The following GABRG3 variants were observed in gnomAD, a reference collection of about 807,000 sequenced individuals.
GABRG3 encodes the protein gamma-aminobutyric acid type A receptor subunit gamma3, also known as gamma-aminobutyric acid receptor subunit gamma-3.
Under a neutral mutation model 48.8 loss-of-function variants are expected in GABRG3, and 25 were observed. That is an observed-to-expected ratio of 0.51 (90% CI 0.37 to 0.72). The LOEUF (loss-of-function observed/expected upper bound fraction) is 0.72. Ranked by LOEUF, GABRG3 falls within the 30% of genes least tolerant of loss-of-function variation. The pLI is 0.00. For missense variants in GABRG3, 394 were observed against 577.9 expected (o/e 0.68, Z 3.26); for synonymous variants, 227 against 217.6 (o/e 1.04, Z -0.38).
At chr15:27,074,330 G>A (rs541289578) in intron 3 of GABRG3, among the ~76,000 whole-genome samples, 8 of 143,958 alleles carry the variant, frequency 5.6e-5, no homozygotes, top group South Asian at 2.1e-4. Context: ...GCTGTGTTTC[G>A]TCAGAGCCCC....
At chr15:27,036,314 C>T (rs1215227308) in intron 3 of GABRG3, among the ~76,000 whole-genome samples, 2 of 152,152 alleles carry the variant, frequency 1.3e-5, no homozygotes, top group African/African-American at 2.4e-5. Context: ...CCCTGCAGAC[C>T]AGTGTGAGGG....
chr15:27,521,034 A>G (rs939024613), intron 7 of GABRG3, among the ~76,000 whole-genome samples: 1 of 152,094 alleles, frequency 6.6e-6, no homozygotes, highest in Non-Finnish European at 1.5e-5. Context: ...ATCAACACAG[A>G]TTTCGTGACT....
rs1211900302 is a variant in GABRG3 at position 27,191,661 on chromosome 15, G to A, written c.271-135148G>A. On this transcript the variant is annotated intron_variant, in intron 3 of 9. Coordinates refer to ENST00000615808, the MANE Select transcript of GABRG3 (RefSeq NM_033223.5). ...TCCTGAATACAACACACTGATGATG[G>A]GTCTTGACTCTTTATCCAGTTTGCC... 2.0e-5 allele frequency among the ~76,000 whole-genome samples: 3 copies of A among 151,996 alleles called. No homozygotes were observed. In the East Asian group the frequency reaches 5.8e-4, roughly 29 times the overall value.
intron 5 of GABRG3, among the ~76,000 whole-genome samples, chr15:27,351,910 AGTGT>A (rs779452424): frequency 8.0e-6 from 1 of 124,914 alleles, no homozygotes; most frequent in Non-Finnish European, 1.7e-5. Context: ...ATGTATGTAT[AGTGT>A]GTGTGTGTTT....
intron 3 of GABRG3, among the ~76,000 whole-genome samples, chr15:27,303,438 G>A (rs868502931): frequency 1.3e-5 from 2 of 151,692 alleles, no homozygotes; most frequent in Non-Finnish European, 2.9e-5. Flanking sequence ...GACCATTAAA[G>A]TGATTGATTT....
intron 2 of GABRG3, among the ~76,000 whole-genome samples, chr15:27,002,993 ATAAAC>A (rs1895482452): frequency 6.7e-6 from 1 of 150,284 alleles, no homozygotes. Flanking sequence ...AATACAATAA[ATAAAC>A]AAAACAAAAC....
At chr15:26,979,297 G>C (rs927179295) in intron 2 of GABRG3, among the ~76,000 whole-genome samples, 2 of 152,132 alleles carry the variant, frequency 1.3e-5, no homozygotes, top group African/African-American at 4.8e-5. Context: ...AATAAGGAGA[G>C]TGTTCATTCT....
intron 7 of GABRG3, among the ~76,000 whole-genome samples, chr15:27,520,688 C>T (rs1891139602): frequency 1.5e-5 from 2 of 134,558 alleles, no homozygotes; most frequent in South Asian, 4.5e-4. Flanking sequence ...AACTGTGCAA[C>T]GTGTATTATG....
chr15:27,026,200 T>C (rs1354326469), intron 2 of GABRG3, among the ~76,000 whole-genome samples: 4 of 152,260 alleles, frequency 2.6e-5, no homozygotes, highest in Admixed American at 2.0e-4. Flanking sequence ...CATATATGTA[T>C]CTTTAAGTTA....
chr15:27,173,947 T>G (rs1165487539), intron 3 of GABRG3, among the ~76,000 whole-genome samples: 4 of 152,166 alleles, frequency 2.6e-5, no homozygotes, highest in Non-Finnish European at 5.9e-5. Context: ...ATAATAAAAC[T>G]CTGTTTACCT....
At chr15:27,488,918 T>C (rs1890281063) in intron 6 of GABRG3, among the ~76,000 whole-genome samples, 1 of 152,206 alleles carries the variant, frequency 6.6e-6, no homozygotes, top group African/African-American at 2.4e-5. Flanking sequence ...CTAGGATACA[T>C]GTGCAGAACC....
chr15:27,374,370 A>C (rs550366427), intron 5 of GABRG3, among the ~76,000 whole-genome samples: 14 of 152,010 alleles, frequency 9.2e-5, no homozygotes, highest in Middle Eastern at 3.4e-3. Flanking sequence ...GACTCAAGCA[A>C]TCCTCCTGCC....
chr15:27,217,367 T>C, intron 3 of GABRG3, among the ~76,000 whole-genome samples: 1 of 152,214 alleles, frequency 6.6e-6, no homozygotes. Context: ...CAGCCAACAC[T>C]GCTCTAGGTA....
intron 3 of GABRG3, among the ~76,000 whole-genome samples, chr15:27,068,767 G>T (rs555146424): frequency 7.9e-5 from 12 of 152,328 alleles, no homozygotes; most frequent in Admixed American, 7.8e-4. Flanking sequence ...CAAAGAGAAA[G>T]ACTGAAGTGG....
intron 2 of GABRG3, among the ~76,000 whole-genome samples, chr15:26,987,597 C>T (rs574940808): frequency 7.3e-4 from 111 of 152,260 alleles, no homozygotes; most frequent in African/African-American, 2.5e-3. Context: ...CCTGGCATTA[C>T]GTCAGAACCG....
intron 3 of GABRG3, among the ~76,000 whole-genome samples, chr15:27,222,493 A>G (rs1299855992): frequency 2.0e-5 from 3 of 152,212 alleles, no homozygotes; most frequent in Admixed American, 2.0e-4. Context: ...TCTAAAGTGA[A>G]TTAGTAGAGG....
At chr15:27,475,054 T>C (rs1889895987) in intron 5 of GABRG3, among the ~76,000 whole-genome samples, 1 of 152,056 alleles carries the variant, frequency 6.6e-6, no homozygotes, top group Admixed American at 6.5e-5. Context: ...CGCTTGAACC[T>C]GGAAGGTGGA....
At chr15:27,076,079 C>T (rs1264888289) in intron 3 of GABRG3, among the ~76,000 whole-genome samples, 2 of 152,138 alleles carry the variant, frequency 1.3e-5, no homozygotes, top group South Asian at 2.1e-4. Flanking sequence ...CCTGAGTGTT[C>T]ATCTTGTAGA....
At chr15:26,977,495 T>A (rs577751709) in intron 2 of GABRG3, among the ~76,000 whole-genome samples, 2 of 152,348 alleles carry the variant, frequency 1.3e-5, no homozygotes, top group Non-Finnish European at 2.9e-5. Context: ...CTAACCATTG[T>A]CAGCCTCAAA....
Sources: allele counts gnomAD v4.1 joint callset (sites outside exome capture counted in the v4.1 genomes callset), GRCh38; gene constraint gnomAD v4.1.1; transcripts MANE v1.5; gene names NCBI Gene and HGNC (gene_info 2026-07-23, HGNC 2026-07-21).